Variants in PDE3B observed in about 807,000 individuals in gnomAD.
PDE3B encodes the protein phosphodiesterase 3B, also known as cGMP-inhibited 3',5'-cyclic phosphodiesterase 3B.
Under a neutral mutation model 116.8 loss-of-function variants are expected in PDE3B, and 66 were observed. The ratio of observed to expected loss-of-function variants is 0.56; its 90% confidence interval spans 0.46 to 0.69. The LOEUF (loss-of-function observed/expected upper bound fraction) is 0.69, where lower values mean the gene tolerates loss of function less well. Ranked by LOEUF, PDE3B falls within the 30% of genes least tolerant of loss-of-function variation. The probability of loss-of-function intolerance (pLI) is 0.00; values close to 1 mark genes in which losing one functional copy is unlikely to be tolerated. For synonymous variants in PDE3B, 595 were observed against 533.6 expected, an observed-to-expected ratio of 1.12 and a Z score of -1.59; for missense variants, 1,384 against 1,368.1, an observed-to-expected ratio of 1.01 and a Z score of -0.18.
the PDE3B span, among the ~76,000 whole-genome samples, chr11:14,881,650 G>A: frequency 2.0e-5 from 3 of 152,072 alleles, no homozygotes; most frequent in East Asian, 5.8e-4. Context: ...GTGAGTTCTC[G>A]CTCAGTTAAT....
At chr11:14,721,398 A>G (rs1856072826) in intron 1 of PDE3B, among the ~76,000 whole-genome samples, 2 of 151,114 alleles carry the variant, frequency 1.3e-5, no homozygotes, top group Admixed American at 6.6e-5. Context: ...TAGAAATACC[A>G]TTTGACCCAG....
At chr11:14,708,128 A>G (rs1408273055) in intron 1 of PDE3B, among the ~76,000 whole-genome samples, 2 of 152,082 alleles carry the variant, frequency 1.3e-5, no homozygotes, top group East Asian at 3.9e-4. Context: ...TCACAAATAG[A>G]TTAATGACTT....
intron 1 of PDE3B, among the ~76,000 whole-genome samples, chr11:14,767,174 A>G (rs185170234): frequency 2.0e-5 from 3 of 151,734 alleles, no homozygotes; most frequent in African/African-American, 4.8e-5. Flanking sequence ...TGCTTGTTCT[A>G]GAAAGATTCT....
chr11:14,851,532 G>GTGTT (rs1847754963), intron 12 of PDE3B, among the ~76,000 whole-genome samples: 1 of 151,746 alleles, frequency 6.6e-6, no homozygotes, highest in African/African-American at 2.4e-5. Context: ...GTGTGTGTGT[G>GTGTT]TGTTAATGGG....
chr11:14,697,055 G>A (rs536499104), intron 1 of PDE3B, among the ~76,000 whole-genome samples: 5 of 151,822 alleles, frequency 3.3e-5, no homozygotes, highest in Admixed American at 6.6e-5. Flanking sequence ...TCCTGCCTCC[G>A]CCTCCCTTGT....
At chr11:14,770,160 G>C (rs1233194714) in intron 1 of PDE3B, among the ~76,000 whole-genome samples, 2 of 151,214 alleles carry the variant, frequency 1.3e-5, no homozygotes, top group African/African-American at 4.8e-5. Flanking sequence ...GACCAAGAAT[G>C]CCAATTAGTT....
the PDE3B span, among the ~76,000 whole-genome samples, chr11:14,878,757 A>C: frequency 3.3e-5 from 5 of 152,210 alleles, no homozygotes; most frequent in African/African-American, 1.2e-4. Flanking sequence ...AATAACCAGA[A>C]GCCAAGAGAG....
chr11:14,700,935 A>G (rs1855341922), intron 1 of PDE3B: 1 of 151,696 alleles, frequency 6.6e-6, no homozygotes, highest in Non-Finnish European at 1.5e-5. Context: ...TTAAATTTGC[A>G]TTGGCTTTTT....
chr11:14,744,297 G>A (rs892189448), intron 1 of PDE3B, among the ~76,000 whole-genome samples: 1 of 151,976 alleles, frequency 6.6e-6, no homozygotes, highest in African/African-American at 2.4e-5. Flanking sequence ...TGTATGAATT[G>A]TAGGATCAGT....
At chr11:14,862,357 G>C (rs1555007323) in intron 14 of PDE3B, among the ~76,000 whole-genome samples, 1 of 152,076 alleles carries the variant, frequency 6.6e-6, no homozygotes, top group Admixed American at 6.6e-5. Flanking sequence ...CTGTAACCTA[G>C]AAGAATTTAT....
chr11:14,881,445 A>G, the PDE3B span, among the ~76,000 whole-genome samples: 89 of 152,248 alleles, frequency 5.8e-4, no homozygotes, highest in Non-Finnish European at 7.2e-4. Flanking sequence ...AATTAATTCA[A>G]CATCTTCAGT....
chr11:14,665,532 C>A (rs1272304695), intron 1 of PDE3B, among the ~76,000 whole-genome samples: 13 of 152,036 alleles, frequency 8.6e-5, no homozygotes, highest in Non-Finnish European at 1.5e-4. Flanking sequence ...TTGTCTCAGC[C>A]CAAAATCTCC....
chr11:14,892,043 G>C, the PDE3B span: 3 of 1,613,118 alleles, frequency 1.9e-6, no homozygotes, highest in African/African-American at 1.3e-5. Flanking sequence ...GAGGCTGCCA[G>C]GGAATAGATG....
intron 1 of PDE3B, among the ~76,000 whole-genome samples, chr11:14,675,275 A>C (rs1180375266): frequency 6.6e-6 from 1 of 151,986 alleles, no homozygotes; most frequent in Non-Finnish European, 1.5e-5. Flanking sequence ...CTATTTCTCT[A>C]TTTCTTAAGA....
chr11:14,830,851 A>T lies in PDE3B; in HGVS notation c.1956+5A>T, dbSNP rs1238702317. 1 of 1,482,238 alleles carries T rather than the reference A, an allele frequency of 6.7e-7. No individual in the cohort carries two copies. The highest frequency in any genetic ancestry group is 1.5e-5 in the South Asian group (1 of 67,788). 91.8% of individuals were successfully genotyped at this position (1,482,238 alleles called of 1,614,324 possible). ...CAGAGTGAACAGCAAACAAATGTAA[A>T]AGATAAACTTTCAATATGATTATGT... is the stretch of plus-strand genomic sequence containing the variant. On this transcript the variant is annotated splice_donor_5th_base_variant and intron_variant, in intron 8 of 15. Transcript: ENST00000282096.
the PDE3B span, chr11:14,878,333 C>T: frequency 1.3e-6 from 2 of 1,598,034 alleles, no homozygotes; most frequent in Non-Finnish European, 1.7e-6. Flanking sequence ...ATTTTTTAAA[C>T]CCACAATCTT....
the PDE3B span, among the ~76,000 whole-genome samples, chr11:14,896,001 C>G: frequency 2.0e-5 from 3 of 151,906 alleles, no homozygotes; most frequent in Admixed American, 2.0e-4. Context: ...TACAGAGAAA[C>G]TTCTTTCCCT....
intron 4 of PDE3B, among the ~76,000 whole-genome samples, 162 bp from the exon 5 acceptor site, chr11:14,803,782 T>C (rs1858839220): frequency 1.3e-5 from 2 of 152,234 alleles, no homozygotes; most frequent in Non-Finnish European, 1.5e-5. Flanking sequence ...TCAGGTTCTT[T>C]ACAGAAAAAG....
the PDE3B span, chr11:14,880,622 A>T: frequency 2.5e-6 from 4 of 1,608,468 alleles, no homozygotes; most frequent in African/African-American, 5.4e-5. Context: ...CTACCTTTGT[A>T]TGTTTCAATA....
Sources: gnomAD v4.1 joint callset for allele counts (sites outside exome capture counted in the v4.1 genomes callset) on GRCh38, gnomAD v4.1.1 for gene constraint, MANE v1.5 for transcripts, NCBI Gene and HGNC (gene_info 2026-07-23, HGNC 2026-07-21) for gene names.